TANC1: variants seen among roughly 807,000 people sequenced by gnomAD.
TANC1 encodes protein TANC1.
TANC1 carries 77 observed loss-of-function variants against 149.7 expected under a neutral mutation model. That is an observed-to-expected ratio of 0.51 (90% CI 0.43 to 0.62). The LOEUF (loss-of-function observed/expected upper bound fraction) is 0.62. TANC1 is among the 20% of genes least tolerant of loss of function. TANC1 has a pLI of 0.00. For missense variants in TANC1, 1,985 were observed against 2,321.8 expected (o/e 0.85, Z 2.98); for synonymous variants, 854 against 925.0 (o/e 0.92, Z 1.39).
At chr2:159,202,752 C>T (rs2058331466) in intron 19 of TANC1, among the ~76,000 whole-genome samples, 1 of 152,100 alleles carries the variant, frequency 6.6e-6, no homozygotes, top group Non-Finnish European at 1.5e-5. Context: ...GTGTCTGTTC[C>T]GTAGTTTCTC....
At position 159,230,363 on chromosome 2, in the gene TANC1, G is replaced by T; in HGVS notation, c.4937G>T (p.Gly1646Val). The change falls in exon 27 of 27, where the codon GGT (glycine) becomes GTT (valine). Residue 1646 changes from glycine to valine, a missense_variant. By Grantham distance (109) the Gly-to-Val change is moderately radical. Coordinates refer to ENST00000263635, the MANE Select transcript of TANC1 (RefSeq NM_033394.3). This position sits in a 1 kb window ranked among gnomAD's most constrained non-coding sequence, Gnocchi z 4.4. ...GTGGACGCAGCCCCTCCAAACCAAG[G>T]TGGGCTGGCGACCTGCAGCGACGTG... ...VAVDAAPPNQGGLATCSDVRH... is the reference protein window; with the variant it reads ...VAVDAAPPNQVGLATCSDVRH... 1 of 1,614,080 alleles carries T rather than the reference G, an allele frequency of 6.2e-7. No homozygotes were observed. Among genetic ancestry groups the T allele is most frequent in the Non-Finnish European group, 8.5e-7 (1 of 1,180,018 alleles).
intron 2 of TANC1, among the ~76,000 whole-genome samples, chr2:159,017,469 A>G (rs777279519): frequency 4.6e-5 from 7 of 152,136 alleles, no homozygotes; most frequent in Non-Finnish European, 8.8e-5. Flanking sequence ...CTGACTCAAG[A>G]TTGTAAACTC....
rs767820835 is a variant in TANC1, at chr2:159,170,810, G to A, written c.1351+5G>A. On this transcript the variant is annotated splice_donor_5th_base_variant and intron_variant, in intron 10 of 26. Transcript: ENST00000263635. ...GCCCGGGTTCATCACCTAAAAGTAC[G>A]TGCATGTTTAATTACTTGTCTAGTT... 14 of 1,610,678 alleles carry A rather than the reference G, an allele frequency of 8.7e-6. No homozygotes were observed. Among genetic ancestry groups the A allele is most frequent in the Admixed American group, 8.3e-5 (5 of 59,966 alleles).
intron 2 of TANC1, among the ~76,000 whole-genome samples, chr2:159,042,525 C>T (rs192581867): frequency 5.3e-5 from 8 of 151,916 alleles, no homozygotes; most frequent in Middle Eastern, 3.4e-3. Flanking sequence ...AGAGTGAGAG[C>T]GGGAGGGTGG....
chr2:159,107,889 A>G (rs1346702928), intron 4 of TANC1, among the ~76,000 whole-genome samples: 3 of 152,124 alleles, frequency 2.0e-5, no homozygotes, highest in Non-Finnish European at 2.9e-5. Flanking sequence ...CTCTGCCCTG[A>G]CATTCTGTGA....
At chr2:159,054,641 C>G (rs1431734941) in intron 2 of TANC1, among the ~76,000 whole-genome samples, 1 of 152,214 alleles carries the variant, frequency 6.6e-6, no homozygotes, top group Non-Finnish European at 1.5e-5. Flanking sequence ...AGGCCAGATC[C>G]AGTGCAATTT....
At chr2:159,044,539 C>T (rs751178983) in intron 2 of TANC1, among the ~76,000 whole-genome samples, 1 of 152,006 alleles carries the variant, frequency 6.6e-6, no homozygotes, top group Non-Finnish European at 1.5e-5. Context: ...TGCCTAGCAT[C>T]TAGTAGGACT....
intron 4 of TANC1, among the ~76,000 whole-genome samples, chr2:159,128,416 T>G (rs2049715936): frequency 6.6e-6 from 1 of 152,202 alleles, no homozygotes; most frequent in Non-Finnish European, 1.5e-5. Context: ...TGTCAGCAGT[T>G]TAGTTACTTA....
At chr2:159,002,879 A>G (rs531629526) in intron 2 of TANC1, among the ~76,000 whole-genome samples, 6 of 152,234 alleles carry the variant, frequency 3.9e-5, no homozygotes, top group Non-Finnish European at 8.8e-5. Context: ...AAGATGTCTC[A>G]TGGCAGGTCC....
At chr2:159,041,698 C>T (rs1279334811) in intron 2 of TANC1, among the ~76,000 whole-genome samples, 1 of 152,208 alleles carries the variant, frequency 6.6e-6, no homozygotes, top group Admixed American at 6.5e-5. Context: ...GCCACGGCTT[C>T]CCTTGGCTAG....
chr2:159,087,066 G>A (rs2044960255), intron 3 of TANC1, among the ~76,000 whole-genome samples: 1 of 152,044 alleles, frequency 6.6e-6, no homozygotes, highest in African/African-American at 2.4e-5. Context: ...AGTTCTGGCA[G>A]GCAGCATCAG....
chr2:159,215,920 A>G (rs1334028018), intron 19 of TANC1, among the ~76,000 whole-genome samples: 1 of 149,136 alleles, frequency 6.7e-6, no homozygotes, highest in Non-Finnish European at 1.5e-5. Context: ...GATGATGATG[A>G]TGGTTGTTTG....
intron 8 of TANC1, among the ~76,000 whole-genome samples, chr2:159,169,005 A>G (rs1318473160): frequency 1.3e-5 from 2 of 152,246 alleles, no homozygotes; most frequent in East Asian, 3.8e-4. Flanking sequence ...CTTTCCAGGA[A>G]TAATGGAGAA....
At chr2:158,986,272 AG>A (rs1286462085) in intron 1 of TANC1, among the ~76,000 whole-genome samples, 1 of 148,788 alleles carries the variant, frequency 6.7e-6, no homozygotes, top group Admixed American at 6.6e-5. Context: ...TACTGAAGGT[AG>A]AGAGTTTCCA....
chr2:159,025,455 A>G (rs1166661322), intron 2 of TANC1, among the ~76,000 whole-genome samples: 1 of 152,084 alleles, frequency 6.6e-6, no homozygotes, highest in Non-Finnish European at 1.5e-5. Flanking sequence ...ATCCCCAGCA[A>G]TTTAAAGCAA....
chr2:159,146,536 CTTTTTT>C (rs35745470), intron 5 of TANC1, among the ~76,000 whole-genome samples: 2 of 78,354 alleles, frequency 2.6e-5, no homozygotes, highest in Non-Finnish European at 5.2e-5. Flanking sequence ...GTCCCTTTTC[CTTTTTT>C]TTTTTTTTTT....
chr2:159,007,918 G>A (rs1055907671), intron 2 of TANC1, among the ~76,000 whole-genome samples: 10 of 152,174 alleles, frequency 6.6e-5, no homozygotes, highest in African/African-American at 1.2e-4. Flanking sequence ...AAAGTGGGGC[G>A]CTCACCCTTA....
intron 16 of TANC1, among the ~76,000 whole-genome samples, chr2:159,190,792 TCCAC>T (rs1376752950): frequency 5.3e-5 from 8 of 152,334 alleles, no homozygotes; most frequent in Admixed American, 1.3e-4. Flanking sequence ...CCTCAGGTGA[TCCAC>T]CCACCTCGGC....
chr2:159,150,259 A>G, intron 6 of TANC1, 111 bp from the exon 7 acceptor site: 2 of 833,156 alleles, frequency 2.4e-6, no homozygotes, highest in Non-Finnish European at 3.7e-6. Context: ...TTTTTTTTTT[A>G]AAACTTCCGT....
Sources: gnomAD v4.1 joint callset for allele counts (sites outside exome capture counted in the v4.1 genomes callset) on GRCh38, gnomAD v4.1.1 for gene constraint, Gnocchi (gnomAD v3.1) non-coding constraint, MANE v1.5 for transcripts, NCBI Gene and HGNC (gene_info 2026-07-23, HGNC 2026-07-21) for gene names.